ANKS1B: variants seen among roughly 807,000 people sequenced by gnomAD.
The protein encoded by ANKS1B is ankyrin repeat and sterile alpha motif domain-containing protein 1B.
ANKS1B carries 36 observed loss-of-function variants against 148.3 expected under a neutral mutation model. That is an observed-to-expected ratio of 0.24 (90% CI 0.19 to 0.32). The LOEUF (loss-of-function observed/expected upper bound fraction) is 0.32. Among genes scored for constraint, ANKS1B ranks in the 10% least tolerant of loss-of-function variants. The probability of loss-of-function intolerance (pLI) is 1.00; values close to 1 mark genes in which losing one functional copy is unlikely to be tolerated. For missense variants in ANKS1B, 1,157 were observed against 1,542.6 expected (o/e 0.75, Z 4.19); for synonymous variants, 542 against 560.8 (o/e 0.97, Z 0.47).
intron 1 of ANKS1B, among the ~76,000 whole-genome samples, chr12:99,892,205 G>A (rs767178310): frequency 1.3e-5 from 2 of 151,890 alleles, no homozygotes; most frequent in African/African-American, 2.4e-5. Flanking sequence ...GGGTTTCACC[G>A]TGTTAGCCAG....
chr12:99,660,300 T>C (rs1298570284), intron 8 of ANKS1B, among the ~76,000 whole-genome samples: 4 of 152,118 alleles, frequency 2.6e-5, no homozygotes, highest in African/African-American at 7.2e-5. Context: ...TCACGATAAA[T>C]TCATAAATGA....
At chr12:99,815,186 C>T (rs930159520) in intron 2 of ANKS1B, among the ~76,000 whole-genome samples, 3 of 151,666 alleles carry the variant, frequency 2.0e-5, no homozygotes, top group African/African-American at 7.3e-5. Flanking sequence ...TGTTCTTTGG[C>T]TCAAATTTTA....
intron 12 of ANKS1B, among the ~76,000 whole-genome samples, chr12:99,264,672 A>C (rs2076266547): frequency 6.6e-6 from 1 of 152,238 alleles, no homozygotes; most frequent in East Asian, 1.9e-4. Flanking sequence ...TTGAGGTATC[A>C]TTTAATGTCT....
chr12:99,230,701 G>T (rs2086699823), intron 14 of ANKS1B, among the ~76,000 whole-genome samples: 1 of 152,002 alleles, frequency 6.6e-6, no homozygotes, highest in African/African-American at 2.4e-5. Context: ...AGCGTCTGTG[G>T]TGCTAAGAAC....
At chr12:99,780,105 CTACACACACACA>C (rs903715625) in intron 5 of ANKS1B, 133 bp from the exon 6 acceptor site, 40 of 655,820 alleles carry the variant, frequency 6.1e-5, no homozygotes, top group East Asian at 2.8e-4. Context: ...AAATTAAGTT[CTACACACACACA>C]TACACACACA....
intron 8 of ANKS1B, among the ~76,000 whole-genome samples, chr12:99,741,206 A>AACACACAC (rs774613671): frequency 0.18 from 24,257 of 135,148 alleles, 2,465 homozygotes; most frequent in East Asian, 0.35. Context: ...GGCTCCGTCA[A>AACACACAC]ACACACACAC....
At chr12:99,475,193 C>A (rs1328306032) in intron 10 of ANKS1B, among the ~76,000 whole-genome samples, 1 of 147,512 alleles carries the variant, frequency 6.8e-6, no homozygotes, top group Admixed American at 6.8e-5. Context: ...TGCAGTGAGC[C>A]GAGATCACAC....
At chr12:99,892,667 G>A (rs1056533896) in intron 1 of ANKS1B, among the ~76,000 whole-genome samples, 2 of 152,144 alleles carry the variant, frequency 1.3e-5, no homozygotes, top group Non-Finnish European at 2.9e-5. Context: ...GTAGATTTAA[G>A]AAAATGAACC....
At chr12:98,793,326 A>T (rs1228297838) in intron 22 of ANKS1B, among the ~76,000 whole-genome samples, 1 of 152,198 alleles carries the variant, frequency 6.6e-6, no homozygotes, top group African/African-American at 2.4e-5. Flanking sequence ...GCCCATTTTA[A>T]AGTTGATTAT....
intron 14 of ANKS1B, among the ~76,000 whole-genome samples, chr12:99,213,251 G>A (rs948099468): frequency 6.6e-6 from 1 of 152,196 alleles, no homozygotes. Flanking sequence ...CCAGAGCACA[G>A]CTCCCAGGAG....
At chr12:99,459,514 A>T (rs1256022660) in intron 10 of ANKS1B, among the ~76,000 whole-genome samples, 1 of 152,066 alleles carries the variant, frequency 6.6e-6, no homozygotes, top group Non-Finnish European at 1.5e-5. Flanking sequence ...GAAACCCTAA[A>T]GGCTTATACA....
Position 99,812,213 on chromosome 12 carries a change from A to G in ANKS1B, c.314T>C (p.Val105Ala), listed in dbSNP as rs375983181. The G allele has an allele frequency of 6.2e-7, 1 of 1,612,052 alleles. No homozygotes were observed. The highest frequency in any genetic ancestry group is 8.5e-7 in the Non-Finnish European group (1 of 1,178,722). Residue 105 changes from valine (V) to alanine (A), a missense_variant, in exon 3 of 27, where the codon GTG becomes GCG. Coordinates refer to ENST00000683438, the MANE Select transcript of ANKS1B (RefSeq NM_001352186.2). ...PIHLAAWKGD[V>A]EIVKILIHHG... is the part of the protein sequence containing the mutation. ...ATGAATAAGAATCTTCACAATTTCC[A>G]CATCTCCTTTCCAGGCAGCCAGGTG...
At chr12:99,029,484 C>T (rs182921959) in intron 17 of ANKS1B, among the ~76,000 whole-genome samples, 16 of 152,320 alleles carry the variant, frequency 1.1e-4, no homozygotes, top group Admixed American at 2.0e-4. Context: ...GAATTGCTCA[C>T]GCTTTAGAGC....
chr12:99,686,857 T>A (rs1367648706), intron 8 of ANKS1B, among the ~76,000 whole-genome samples: 1 of 152,200 alleles, frequency 6.6e-6, no homozygotes, highest in East Asian at 1.9e-4. Flanking sequence ...ACAGAAGATT[T>A]TAATCTCCTT....
chr12:99,476,706 A>G (rs945445372), intron 10 of ANKS1B, among the ~76,000 whole-genome samples: 8 of 152,172 alleles, frequency 5.3e-5, no homozygotes, highest in African/African-American at 1.9e-4. Context: ...AAGAATAAAG[A>G]TTATATTAGC....
chr12:98,883,765 A>T (rs923489580), intron 17 of ANKS1B, among the ~76,000 whole-genome samples: 1 of 152,254 alleles, frequency 6.6e-6, no homozygotes, highest in African/African-American at 2.4e-5. Flanking sequence ...ATAACTTCTT[A>T]TAAAAGTAAA....
intron 8 of ANKS1B, among the ~76,000 whole-genome samples, chr12:99,713,130 A>G (rs2056856892): frequency 6.6e-6 from 1 of 152,154 alleles, no homozygotes; most frequent in Admixed American, 6.5e-5. Flanking sequence ...CTCTTCCACA[A>G]ATATATGCAG....
chr12:98,757,141 C>A (rs1238736579), intron 25 of ANKS1B, among the ~76,000 whole-genome samples: 1 of 152,070 alleles, frequency 6.6e-6, no homozygotes, highest in Non-Finnish European at 1.5e-5. Context: ...TGGACAGGAA[C>A]AACGGTTTCA....
At chr12:99,062,565 G>A (rs2042795646) in intron 16 of ANKS1B, among the ~76,000 whole-genome samples, 2 of 152,240 alleles carry the variant, frequency 1.3e-5, no homozygotes, top group South Asian at 2.1e-4. Context: ...CTGCAGAGAC[G>A]TCTAATAAAA....
Sources: allele counts gnomAD v4.1 joint callset (sites outside exome capture counted in the v4.1 genomes callset), GRCh38; gene constraint gnomAD v4.1.1; transcripts MANE v1.5; gene names NCBI Gene and HGNC (gene_info 2026-07-23, HGNC 2026-07-21).